Variants in ITPR1 observed in about 807,000 individuals in gnomAD.
ITPR1 encodes the protein inositol 1,4,5-trisphosphate-gated calcium channel ITPR1.
Under a neutral mutation model 318.4 loss-of-function variants are expected in ITPR1, and 96 were observed. The ratio of observed to expected loss-of-function variants is 0.30; its 90% confidence interval spans 0.26 to 0.36. The LOEUF (loss-of-function observed/expected upper bound fraction) is 0.36, where lower values mean the gene tolerates loss of function less well. Ranked by LOEUF, ITPR1 falls within the 10% of genes least tolerant of loss-of-function variation. ITPR1 has a pLI of 1.00. For missense variants in ITPR1, 2,440 were observed against 3,460.2 expected, an observed-to-expected ratio of 0.71 and a Z score of 7.40; for synonymous variants, 1,312 against 1,289.9, an observed-to-expected ratio of 1.02 and a Z score of -0.37.
chr3:4,539,096 G>A (rs1037469860), intron 4 of ITPR1, among the ~76,000 whole-genome samples: 1 of 152,058 alleles, frequency 6.6e-6, no homozygotes. Flanking sequence ...TCAAAAAATT[G>A]CCTTAGTTTC....
intron 4 of ITPR1, among the ~76,000 whole-genome samples, chr3:4,610,442 G>GTT (rs1187003619): frequency 6.6e-6 from 1 of 152,178 alleles, no homozygotes; most frequent in African/African-American, 2.4e-5. Flanking sequence ...TAGGAAAAGA[G>GTT]TTTTTCCTGG....
rs757773705 is a variant in ITPR1 at position 4,627,894 on chromosome 3, G to C, written c.279+16G>C. The C allele has an allele frequency of 6.4e-7, 1 of 1,556,808 alleles. No individual in the cohort carries two copies. The highest frequency in any genetic ancestry group is 1.4e-5 in the African/African-American group (1 of 73,738). ...CAAACTGCACGTACGTATTGCCATG[G>C]GGCTGTCGATGGGGCAGTAGTGAGT... On this transcript the variant is annotated intron_variant, in intron 5 of 61. Transcript: ENST00000649015.
chr3:4,764,296 G>C (rs1034009467), intron 44 of ITPR1, among the ~76,000 whole-genome samples: 3 of 152,212 alleles, frequency 2.0e-5, no homozygotes, highest in African/African-American at 7.2e-5. Flanking sequence ...ATTTATTTCT[G>C]TCATGTCCAC....
At chr3:4,586,014 G>A (rs2089861558) in intron 4 of ITPR1, among the ~76,000 whole-genome samples, 1 of 149,862 alleles carries the variant, frequency 6.7e-6, no homozygotes, top group Non-Finnish European at 1.5e-5. Context: ...GTGAGAACAT[G>A]TAGTGTTTGG....
chr3:4,667,892 C>T (rs1331768219), intron 18 of ITPR1, among the ~76,000 whole-genome samples: 2 of 152,096 alleles, frequency 1.3e-5, no homozygotes, highest in East Asian at 3.9e-4. Flanking sequence ...TTGTTGGCCA[C>T]TCATTCACTT....
intron 4 of ITPR1, among the ~76,000 whole-genome samples, chr3:4,608,789 G>T (rs2091875532): frequency 1.3e-5 from 2 of 151,692 alleles, no homozygotes; most frequent in Non-Finnish European, 2.9e-5. Context: ...ATCACTTGAG[G>T]TCAGGAGTTT....
chr3:4,659,526 A>G (rs1439114326), intron 13 of ITPR1, among the ~76,000 whole-genome samples: 1 of 152,078 alleles, frequency 6.6e-6, no homozygotes, highest in Non-Finnish European at 1.5e-5. Context: ...TCTACAAAAA[A>G]AATGCAAAAA....
At chr3:4,819,318 G>A (rs971191839) in intron 60 of ITPR1, among the ~76,000 whole-genome samples, 1 of 152,194 alleles carries the variant, frequency 6.6e-6, no homozygotes, top group African/African-American at 2.4e-5. Flanking sequence ...TGTGCCGTCT[G>A]TACCCTTGAG....
At chr3:4,824,825 T>C (rs1231263562) in intron 60 of ITPR1, among the ~76,000 whole-genome samples, 1 of 152,160 alleles carries the variant, frequency 6.6e-6, no homozygotes, top group Non-Finnish European at 1.5e-5. Flanking sequence ...CTAGGGGTTG[T>C]TGAGACGGTA....
Position 4,619,746 on chromosome 3 carries a change from CTCTGCCCTCCCCTCCTCTCT to C in ITPR1, c.164-8003_164-7984del, listed in dbSNP as rs1559550019. On this transcript the variant is annotated intron_variant, in intron 4 of 61. Coordinates refer to ENST00000649015, the MANE Select transcript of ITPR1 (RefSeq NM_001378452.1). ...CTCTCCTCTGCTCTCCCCTGCTCTC[CTCTGCCCTCCCCTCCTCTCT>C]TCTGCCCTCCCCTGCTCTCCTCTGC... Among the ~76,000 whole-genome samples the C allele has an allele frequency of 1.8e-3, 40 of 22,060 alleles. 12 individuals carry two copies. The highest frequency in any genetic ancestry group is 2.2e-3 in the Admixed American group (4 of 1,860). The allele number at this position is 22,060 out of a possible 152,430, so 14.5% of individuals were successfully genotyped here. A position where few individuals can be genotyped will look rare whatever the true frequency, so the allele number is the denominator to read the frequency against.
intron 4 of ITPR1, among the ~76,000 whole-genome samples, chr3:4,610,465 A>G (rs2092003477): frequency 1.3e-5 from 2 of 152,238 alleles, no homozygotes; most frequent in African/African-American, 2.4e-5. Context: ...GATCTCGATG[A>G]CCAAGCCAAT....
At chr3:4,727,199 C>T (rs765728060) in intron 42 of ITPR1, 26 bp downstream of exon 42, 5 of 1,554,210 alleles carry the variant, frequency 3.2e-6, no homozygotes, top group South Asian at 2.3e-5. Flanking sequence ...TCTTGGGTAT[C>T]GGGAGCTAAT....
intron 60 of ITPR1, among the ~76,000 whole-genome samples, chr3:4,835,585 G>A (rs1224439299): frequency 6.6e-6 from 1 of 151,848 alleles, no homozygotes; most frequent in Non-Finnish European, 1.5e-5. Context: ...TGTGTGGGAG[G>A]GGGCTTGATT....
At chr3:4,696,515 A>T (rs2094560177) in intron 33 of ITPR1, among the ~76,000 whole-genome samples, 1 of 152,150 alleles carries the variant, frequency 6.6e-6, no homozygotes, top group Admixed American at 6.5e-5. Context: ...CAGTCAGTTG[A>T]TGGTGATTTG....
Position 4,747,516 on chromosome 3 carries a change from TG to T in ITPR1, c.5544+12163del, listed in dbSNP as rs2044197037. Among the ~76,000 whole-genome samples, 3 of 152,356 alleles carry T rather than the reference TG, an allele frequency of 2.0e-5. No homozygotes were observed. In the South Asian group the frequency reaches 6.2e-4, roughly 32 times the overall value. On this transcript the variant is annotated intron_variant, in intron 44 of 61. Coordinates refer to ENST00000649015, the MANE Select transcript of ITPR1 (RefSeq NM_001378452.1). ...GATTGGAAGTTGTGCCTCCACATTT[TG>T]TTTTCTTTGGTAGTGGAGTCTTTGT...
chr3:4,506,361 T>G (rs1344985331), intron 2 of ITPR1, among the ~76,000 whole-genome samples: 1 of 152,244 alleles, frequency 6.6e-6, no homozygotes, highest in Admixed American at 6.5e-5. Context: ...TACTAGCCGT[T>G]TACTCTACCT....
At chr3:4,716,132 A>G (rs2041744374) in intron 39 of ITPR1, among the ~76,000 whole-genome samples, 2 of 152,200 alleles carry the variant, frequency 1.3e-5, no homozygotes, top group Non-Finnish European at 2.9e-5. Flanking sequence ...TTAAAATTAT[A>G]TCAGGACTTT....
chr3:4,622,586 G>C (rs1307628781), intron 4 of ITPR1, among the ~76,000 whole-genome samples: 1 of 151,598 alleles, frequency 6.6e-6, no homozygotes, highest in East Asian at 1.9e-4. Context: ...ACCACGCCCA[G>C]CTAATTTTTG....
At chr3:4,654,654 G>A (rs979997642) in intron 12 of ITPR1, among the ~76,000 whole-genome samples, 1 of 152,244 alleles carries the variant, frequency 6.6e-6, no homozygotes, top group Non-Finnish European at 1.5e-5. Context: ...GATCTCAGCA[G>A]TGGGCATGGA....
Sources: allele counts gnomAD v4.1 joint callset (sites outside exome capture counted in the v4.1 genomes callset), GRCh38; gene constraint gnomAD v4.1.1; transcripts MANE v1.5; gene names NCBI Gene and HGNC (gene_info 2026-07-23, HGNC 2026-07-21).